Variants in FBN2 observed in about 807,000 individuals in gnomAD.
FBN2 encodes fibrillin-2.
In FBN2, 105 loss-of-function variants were observed where a neutral mutation model predicts 355.6. The observed-to-expected ratio is 0.30, with a 90% CI of 0.25 to 0.35. The LOEUF is 0.35. FBN2 is among the 10% of genes least tolerant of loss of function. The pLI, the probability that FBN2 is intolerant of heterozygous loss-of-function variation, is 1.00. For missense variants in FBN2, 3,280 were observed against 3,758.7 expected (o/e 0.87, Z 3.33); for synonymous variants, 1,350 against 1,301.2 (o/e 1.04, Z -0.81).
intron 36 of FBN2, among the ~76,000 whole-genome samples, chr5:128,313,766 TGG>T (rs1750122152): frequency 7.2e-6 from 1 of 139,824 alleles, no homozygotes. Flanking sequence ...GGCAGGAGAA[TGG>T]CATGAACCTG....
At chr5:128,437,254 C>A (rs1299096825) in intron 7 of FBN2, among the ~76,000 whole-genome samples, 1 of 152,136 alleles carries the variant, frequency 6.6e-6, no homozygotes. Context: ...AATGGGAAAG[C>A]TGACAAACAC....
At chr5:128,335,942 C>A in intron 28 of FBN2, 46 bp downstream of exon 28, 1 of 1,608,612 alleles carries the variant, frequency 6.2e-7, no homozygotes, top group Non-Finnish European at 8.5e-7. Context: ...TTTTCCTAGG[C>A]TGATTTGAGA....
intron 11 of FBN2, among the ~76,000 whole-genome samples, chr5:128,391,472 C>T (rs1446690304): frequency 3.3e-5 from 5 of 152,078 alleles, no homozygotes; most frequent in Admixed American, 3.3e-4. Flanking sequence ...TGTCAACATG[C>T]AATGGATTCA....
intron 8 of FBN2, among the ~76,000 whole-genome samples, chr5:128,396,568 G>T (rs1752655844): frequency 1.3e-5 from 2 of 152,194 alleles, no homozygotes; most frequent in Non-Finnish European, 2.9e-5. Context: ...CTGTAATAGA[G>T]GTCAATCTGA....
chr5:128,352,103 A>T (rs1405974233), intron 20 of FBN2, among the ~76,000 whole-genome samples: 1 of 152,212 alleles, frequency 6.6e-6, no homozygotes, highest in South Asian at 2.1e-4. Flanking sequence ...GAATAATTTA[A>T]AAGAAAAAGC....
intron 55 of FBN2, among the ~76,000 whole-genome samples, chr5:128,285,912 A>C (rs1749134493): frequency 6.6e-6 from 1 of 152,224 alleles, no homozygotes; most frequent in South Asian, 2.1e-4. Context: ...ACATACATAC[A>C]TTGTTTTCAT....
chr5:128,285,182 C>T (rs978030210), intron 55 of FBN2, among the ~76,000 whole-genome samples: 13 of 137,890 alleles, frequency 9.4e-5, no homozygotes, highest in Admixed American at 1.5e-4. Context: ...TTTTAGTTTC[C>T]GTTGCAATCG....
At chr5:128,503,684 A>G (rs1278069834) in intron 5 of FBN2, among the ~76,000 whole-genome samples, 1 of 152,236 alleles carries the variant, frequency 6.6e-6, no homozygotes, top group African/African-American at 2.4e-5. Context: ...TAAGTGGCAA[A>G]GCATTCAAGA....
intron 54 of FBN2, 53 bp downstream of exon 54, chr5:128,287,255 T>A (rs890604744): frequency 1.9e-6 from 3 of 1,592,162 alleles, no homozygotes; most frequent in African/African-American, 2.7e-5. Flanking sequence ...CATTAAGATG[T>A]ATCTCCAGCA....
chr5:128,327,842 T>C (rs1750597311), intron 34 of FBN2, among the ~76,000 whole-genome samples: 1 of 152,180 alleles, frequency 6.6e-6, no homozygotes, highest in African/African-American at 2.4e-5. Flanking sequence ...TTCTCCATGT[T>C]GTTCAGGCTG....
intron 20 of FBN2, among the ~76,000 whole-genome samples, chr5:128,353,214 A>G (rs1429427314): frequency 1.3e-5 from 2 of 151,580 alleles, no homozygotes; most frequent in African/African-American, 4.9e-5. Context: ...CAACAAAAAT[A>G]CCCCCCTGCC....
intron 16 of FBN2, among the ~76,000 whole-genome samples, chr5:128,368,718 G>A (rs943007092): frequency 6.6e-6 from 1 of 150,702 alleles, no homozygotes; most frequent in Admixed American, 6.6e-5. Flanking sequence ...TACTCAGGCT[G>A]GAGTGGAGTG....
intron 2 of FBN2, among the ~76,000 whole-genome samples, chr5:128,533,078 G>T (rs1031613585): frequency 2.6e-5 from 4 of 152,164 alleles, no homozygotes; most frequent in African/African-American, 7.2e-5. Context: ...GTCAAATACT[G>T]TGATGTTAAG....
At position 128,318,966 on chromosome 5, in the gene FBN2, A is replaced by C. The variant is rs1191386465; in HGVS notation, c.4507T>G (p.Phe1503Val). Reference protein sequence around the residue: ...DECSFQNICVFGTCNNLPGMF... With the variant: ...DECSFQNICVVGTCNNLPGMF... ...CCAGGCAGGTTATTACATGTTCCAA[A>C]GACACAAATGTTTTGGAAGGAGCAT... Residue 1503 changes from phenylalanine to valine, a missense_variant, in exon 35 of 65, where the codon TTT becomes GTT. Transcript: ENST00000262464. The C allele has an allele frequency of 1.2e-6, 2 of 1,611,644 alleles. No individual in the cohort carries two copies. Among genetic ancestry groups the C allele is most frequent in the Non-Finnish European group, 1.7e-6 (2 of 1,177,832 alleles).
intron 19 of FBN2, among the ~76,000 whole-genome samples, chr5:128,360,010 T>C (rs2126934922): frequency 6.6e-6 from 1 of 152,234 alleles, no homozygotes; most frequent in East Asian, 1.9e-4. Context: ...GAGAAACCAG[T>C]TCTAAAAATC....
intron 11 of FBN2, among the ~76,000 whole-genome samples, chr5:128,389,758 T>A (rs556683062): frequency 4.6e-5 from 7 of 152,002 alleles, no homozygotes; most frequent in Non-Finnish European, 8.8e-5. Context: ...CTGCAAAGAG[T>A]GGGCCACTCC....
intron 7 of FBN2, among the ~76,000 whole-genome samples, chr5:128,426,519 G>T (rs1753487091): frequency 6.6e-6 from 1 of 152,200 alleles, no homozygotes; most frequent in Non-Finnish European, 1.5e-5. Flanking sequence ...TCCCACTGCT[G>T]TTTTGCATAT....
chr5:128,354,526 G>A (rs1581236933), intron 20 of FBN2, among the ~76,000 whole-genome samples: 1 of 152,208 alleles, frequency 6.6e-6, no homozygotes, highest in African/African-American at 2.4e-5. Context: ...GGAGAACTGA[G>A]TGTAGTATGA....
chr5:128,273,879 T>C lies in FBN2; in HGVS notation c.7801A>G (p.Arg2601Gly), dbSNP rs1404201951. 6.2e-7 allele frequency: 1 copy of C among 1,614,026 alleles called. No homozygotes were observed. Among genetic ancestry groups the C allele is most frequent in the Non-Finnish European group, 8.5e-7 (1 of 1,179,914 alleles). The change falls in exon 61 of 65, where the codon AGA (arginine) becomes GGA (glycine). Residue 2601 changes from arginine (R) to glycine (G), a missense_variant. Arg to Gly is a moderately radical substitution (Grantham distance 125, BLOSUM62 -2). Around this residue, in one of 6 missense-constraint regions of FBN2, gnomAD observed 2,284 missense variants for 2,749.5 expected, o/e 0.83. Coordinates refer to ENST00000262464, the MANE Select transcript of FBN2 (RefSeq NM_001999.4). Reference protein sequence around the residue: ...TPGSFSCECQRGFSLDATGLN... With the variant: ...TPGSFSCECQGGFSLDATGLN... ...CCGGTGGCATCAAGAGAGAACCCTC[T>C]TTGGCATTCACAGCTGAAACTGCCT... is the stretch of plus-strand genomic sequence containing the variant.
Sources: allele counts gnomAD v4.1 joint callset (sites outside exome capture counted in the v4.1 genomes callset), GRCh38; gene constraint gnomAD v4.1.1; regional missense constraint gnomAD v4.1.1; transcripts MANE v1.5; gene names NCBI Gene and HGNC (gene_info 2026-07-23, HGNC 2026-07-21).